The following CADM2 variants were observed in gnomAD, a reference collection of about 807,000 sequenced individuals.
CADM2 encodes the protein cell adhesion molecule 2.
Under a neutral mutation model 49.8 loss-of-function variants are expected in CADM2, and 12 were observed. That is an observed-to-expected ratio of 0.24 (90% confidence interval 0.15 to 0.39). The LOEUF (loss-of-function observed/expected upper bound fraction) is 0.39. Among genes scored for constraint, CADM2 ranks in the 10% least tolerant of loss-of-function variants. CADM2 has a pLI of 1.00. For synonymous variants in CADM2, 214 were observed against 175.4 expected (o/e 1.22, Z -1.74); for missense variants, 378 against 492.3 (o/e 0.77, Z 2.20).
At chr3:85,238,242 G>A (rs1368088169) in intron 1 of CADM2, among the ~76,000 whole-genome samples, 1 of 151,906 alleles carries the variant, frequency 6.6e-6, no homozygotes, top group East Asian at 1.9e-4. Flanking sequence ...GTATCAGTGT[G>A]CCATATTTAC....
intron 8 of CADM2, among the ~76,000 whole-genome samples, chr3:86,048,922 A>G (rs1206095032): frequency 6.6e-6 from 1 of 152,184 alleles, no homozygotes; most frequent in Middle Eastern, 3.2e-3. Flanking sequence ...TCTAACTATA[A>G]AAGACAATTA....
chr3:86,037,364 G>A (rs756010576), intron 8 of CADM2, among the ~76,000 whole-genome samples: 1 of 152,124 alleles, frequency 6.6e-6, no homozygotes, highest in Non-Finnish European at 1.5e-5. Context: ...TTATGTATAT[G>A]TAATGGAAAA....
chr3:85,906,070 A>G (rs1394156806), intron 5 of CADM2, among the ~76,000 whole-genome samples: 1 of 152,196 alleles, frequency 6.6e-6, no homozygotes, highest in Non-Finnish European at 1.5e-5. Context: ...CTGCTGCTAC[A>G]GAAGTTGCTC....
chr3:85,458,043 C>G (rs575793025), intron 1 of CADM2, among the ~76,000 whole-genome samples: 1 of 152,168 alleles, frequency 6.6e-6, no homozygotes, highest in Non-Finnish European at 1.5e-5. Flanking sequence ...ACAATTCAAT[C>G]TCTGTTTCAT....
chr3:84,996,705 T>A (rs2033196739), intron 1 of CADM2, among the ~76,000 whole-genome samples: 1 of 152,094 alleles, frequency 6.6e-6, no homozygotes, highest in Non-Finnish European at 1.5e-5. Context: ...GTCTGGTAAC[T>A]TTAGAATATA....
At chr3:85,557,845 A>C (rs938294266) in intron 1 of CADM2, among the ~76,000 whole-genome samples, 2 of 152,014 alleles carry the variant, frequency 1.3e-5, no homozygotes, top group African/African-American at 4.8e-5. Flanking sequence ...ACAAGACTTG[A>C]TCCTTCATAA....
At chr3:85,690,845 T>C (rs1279556040) in intron 1 of CADM2, among the ~76,000 whole-genome samples, 1 of 152,214 alleles carries the variant, frequency 6.6e-6, no homozygotes, top group East Asian at 1.9e-4. Flanking sequence ...TCTATACTTG[T>C]ATACATCATG....
chr3:85,855,567 T>TTATATATATATAAAAAACA (rs2075273669), intron 3 of CADM2, among the ~76,000 whole-genome samples: 1 of 138,848 alleles, frequency 7.2e-6, no homozygotes, highest in Non-Finnish European at 1.6e-5. Context: ...ATATTTATAT[T>TTATATATATATAAAAAACA]TATATATATA....
chr3:85,158,859 A>G (rs1303034656), intron 1 of CADM2, among the ~76,000 whole-genome samples: 1 of 151,976 alleles, frequency 6.6e-6, no homozygotes, highest in Non-Finnish European at 1.5e-5. Flanking sequence ...AATAAAATAA[A>G]ATAAAAAAAT....
chr3:85,601,189 CAT>C (rs752106922), intron 1 of CADM2, among the ~76,000 whole-genome samples: 1,215 of 119,102 alleles, frequency 0.01, 36 homozygotes, highest in African/African-American at 0.032. Context: ...CACACACACA[CAT>C]ACATGTCATT....
chr3:85,264,717 A>C (rs1237543806), intron 1 of CADM2, among the ~76,000 whole-genome samples: 2 of 152,138 alleles, frequency 1.3e-5, no homozygotes, highest in Non-Finnish European at 2.9e-5. Flanking sequence ...ATCATATATA[A>C]CTATGGAACA....
At chr3:85,995,139 A>G (rs968418224) in intron 8 of CADM2, among the ~76,000 whole-genome samples, 1 of 152,110 alleles carries the variant, frequency 6.6e-6, no homozygotes, top group Non-Finnish European at 1.5e-5. Flanking sequence ...CATTTATGAG[A>G]ATAATGAACA....
At chr3:85,228,885 A>G (rs2042221081) in intron 1 of CADM2, among the ~76,000 whole-genome samples, 2 of 152,156 alleles carry the variant, frequency 1.3e-5, no homozygotes, top group African/African-American at 4.8e-5. Flanking sequence ...CAGAGCTGTC[A>G]GGGAGGGACA....
At chr3:85,704,187 T>C (rs1660225400) in intron 1 of CADM2, among the ~76,000 whole-genome samples, 2 of 152,174 alleles carry the variant, frequency 1.3e-5, no homozygotes, top group African/African-American at 4.8e-5. Flanking sequence ...ACAACATCCT[T>C]AGTGCCTACT....
intron 2 of CADM2, among the ~76,000 whole-genome samples, chr3:85,782,508 C>G (rs1005676117): frequency 6.6e-6 from 1 of 151,640 alleles, no homozygotes; most frequent in Non-Finnish European, 1.5e-5. Context: ...AACCCCATCT[C>G]TACTAAAAAT....
At chr3:85,194,879 C>A (rs1382006280) in intron 1 of CADM2, among the ~76,000 whole-genome samples, 1 of 151,876 alleles carries the variant, frequency 6.6e-6, no homozygotes, top group Admixed American at 6.6e-5. Context: ...AAAAAAAAAT[C>A]TTGAAATAGA....
intron 1 of CADM2, among the ~76,000 whole-genome samples, chr3:85,442,756 A>T (rs1274615161): frequency 1.3e-5 from 2 of 151,122 alleles, no homozygotes; most frequent in African/African-American, 4.9e-5. Flanking sequence ...TATATTTACA[A>T]TATTTTCAAA....
At chr3:85,237,801 A>C (rs1423089528) in intron 1 of CADM2, among the ~76,000 whole-genome samples, 1 of 151,860 alleles carries the variant, frequency 6.6e-6, no homozygotes. Context: ...ACATGTTGGT[A>C]GTTCTTGAAA....
At chr3:85,218,511 AG>A (rs1559726855) in intron 1 of CADM2, among the ~76,000 whole-genome samples, 1 of 152,146 alleles carries the variant, frequency 6.6e-6, no homozygotes, top group Non-Finnish European at 1.5e-5. Flanking sequence ...CTGAGAGCAT[AG>A]GGAGGTAAAG....
Sources: gnomAD v4.1 joint callset for allele counts (sites outside exome capture counted in the v4.1 genomes callset) on GRCh38, gnomAD v4.1.1 for gene constraint, MANE v1.5 for transcripts, NCBI Gene and HGNC (gene_info 2026-07-23, HGNC 2026-07-21) for gene names.